KCNU1: variants seen among roughly 807,000 people sequenced by gnomAD.
The protein encoded by KCNU1 is potassium calcium-activated channel subfamily U member 1.
KCNU1 carries 93 observed loss-of-function variants against 126.8 expected under a neutral mutation model. The ratio of observed to expected loss-of-function variants is 0.73; its 90% CI spans 0.62 to 0.87. The LOEUF (loss-of-function observed/expected upper bound fraction) is 0.87, where lower values mean the gene tolerates loss of function less well. Ranked by LOEUF, KCNU1 falls within the 40% of genes least tolerant of loss-of-function variation. The pLI is 0.00. For missense variants in KCNU1, 1,330 were observed against 1,367.1 expected (o/e 0.97, Z 0.43); for synonymous variants, 523 against 494.2 (o/e 1.06, Z -0.77).
intron 19 of KCNU1, among the ~76,000 whole-genome samples, chr8:36,879,588 T>C (rs999643088): frequency 2.4e-4 from 36 of 152,026 alleles, no homozygotes; most frequent in African/African-American, 8.2e-4. Flanking sequence ...GATCAGAAAA[T>C]TGGGGAAATT....
intron 2 of KCNU1, among the ~76,000 whole-genome samples, chr8:36,788,974 A>C (rs1418787744): frequency 6.6e-6 from 1 of 152,232 alleles, no homozygotes; most frequent in African/African-American, 2.4e-5. Flanking sequence ...GACTTATTTA[A>C]TGAAGGGAAA....
chr8:36,801,777 A>G (rs1250908934), intron 2 of KCNU1, among the ~76,000 whole-genome samples: 2 of 152,098 alleles, frequency 1.3e-5, no homozygotes, highest in Admixed American at 1.3e-4. Flanking sequence ...CGTCAAACTT[A>G]GTACTATCTT....
At chr8:36,900,987 A>G (rs1273008066) in intron 19 of KCNU1, among the ~76,000 whole-genome samples, 1 of 152,046 alleles carries the variant, frequency 6.6e-6, no homozygotes, top group Non-Finnish European at 1.5e-5. Context: ...TTTACAAGCC[A>G]TCTGTGGGGT....
At chr8:36,921,036 G>T (rs1442733411) in intron 23 of KCNU1, among the ~76,000 whole-genome samples, 1 of 152,124 alleles carries the variant, frequency 6.6e-6, no homozygotes, top group Non-Finnish European at 1.5e-5. Flanking sequence ...AAGAACTGTG[G>T]AGAGTCTAAG....
At chr8:36,887,030 C>A (rs1806732060) in intron 19 of KCNU1, among the ~76,000 whole-genome samples, 1 of 152,020 alleles carries the variant, frequency 6.6e-6, no homozygotes, top group African/African-American at 2.4e-5. Context: ...ACCACGTTTT[C>A]TTTATCCACT....
chr8:36,913,737 G>A (rs2117546579), intron 22 of KCNU1, among the ~76,000 whole-genome samples: 1 of 152,050 alleles, frequency 6.6e-6, no homozygotes, highest in South Asian at 2.1e-4. Context: ...AAGTAGCTGG[G>A]ACTACAGGCA....
intron 2 of KCNU1, among the ~76,000 whole-genome samples, chr8:36,803,452 C>T (rs535767030): frequency 6.6e-6 from 1 of 152,150 alleles, no homozygotes; most frequent in East Asian, 1.9e-4. Flanking sequence ...TTGCATTCCC[C>T]GAGATACCCT....
intron 18 of KCNU1, among the ~76,000 whole-genome samples, chr8:36,850,520 A>G (rs1195389425): frequency 1.3e-5 from 2 of 151,336 alleles, no homozygotes; most frequent in African/African-American, 4.9e-5. Context: ...GCAGTGGTAC[A>G]GTCATGGCTC....
intron 19 of KCNU1, among the ~76,000 whole-genome samples, chr8:36,868,194 A>T (rs1805979100): frequency 6.6e-6 from 1 of 152,098 alleles, no homozygotes; most frequent in South Asian, 2.1e-4. Flanking sequence ...TGGGTCAGTG[A>T]TAGAGTACTC....
Position 36,808,795 on chromosome 8 carries a change from T to A in KCNU1, c.732+2T>A. On this transcript the variant is annotated splice_donor_variant, in intron 7 of 26. Coordinates refer to ENST00000399881, the MANE Select transcript of KCNU1 (RefSeq NM_001031836.3). LOFTEE classifies it high-confidence loss of function. ...ACAGCTGCGGGATTCATTCACCTGGTAAGCATCTCATCACAATCCCTAGTG... is the reference window on the plus strand; with the variant it reads ...ACAGCTGCGGGATTCATTCACCTGGAAAGCATCTCATCACAATCCCTAGTG... The A allele has an allele frequency of 6.2e-7, 1 of 1,605,936 alleles. No individual in the cohort carries two copies. The highest frequency in any genetic ancestry group is 8.5e-7 in the Non-Finnish European group (1 of 1,174,022).
In KCNU1 at chr8:36,879,209, GTGTATA is replaced by G. The variant is rs1487951868; in HGVS notation, c.2009+14690_2009+14695del. On this transcript the variant is annotated intron_variant, in intron 19 of 26. Transcript: ENST00000399881. ...TATATGTATGTGTGTGTGTGTGTGT[GTGTATA>G]TATATATATATATATATATATATAC... Among the ~76,000 whole-genome samples the G allele has an allele frequency of 6.8e-4, 59 of 86,676 alleles. 2 individuals carry two copies. In the East Asian group the frequency reaches 0.014, roughly 20 times the overall value. The allele number at this position is 86,676 out of a possible 152,430, so 56.9% of individuals were successfully genotyped here.
At chr8:36,802,360 T>C (rs576495093) in intron 2 of KCNU1, among the ~76,000 whole-genome samples, 1 of 152,252 alleles carries the variant, frequency 6.6e-6, no homozygotes, top group South Asian at 2.1e-4. Flanking sequence ...GAAATCTCAG[T>C]TTGCCTTCCT....
chr8:36,802,016 G>A (rs1247697268), intron 2 of KCNU1, among the ~76,000 whole-genome samples: 2 of 151,264 alleles, frequency 1.3e-5, no homozygotes, highest in African/African-American at 2.4e-5. Context: ...GACTGAGGCA[G>A]GAGAATTGCT....
intron 23 of KCNU1, among the ~76,000 whole-genome samples, chr8:36,921,537 G>C (rs1383036214): frequency 6.6e-6 from 1 of 151,682 alleles, no homozygotes; most frequent in Non-Finnish European, 1.5e-5. Context: ...AAATTAGCCG[G>C]ACATGGTGGT....
intron 18 of KCNU1, among the ~76,000 whole-genome samples, chr8:36,847,737 C>G (rs1805202805): frequency 6.6e-6 from 1 of 152,176 alleles, no homozygotes; most frequent in African/African-American, 2.4e-5. Context: ...ATTTAGGTTG[C>G]TTCCATAACT....
chr8:36,817,784 G>T, intron 10 of KCNU1, 24 bp downstream of exon 10: 1 of 1,163,596 alleles, frequency 8.6e-7, no homozygotes. Context: ...TATGGCTCAT[G>T]GGTTCTAAAT....
At chr8:36,820,388 G>A (rs945538568) in intron 10 of KCNU1, among the ~76,000 whole-genome samples, 3 of 152,112 alleles carry the variant, frequency 2.0e-5, no homozygotes, top group Admixed American at 2.0e-4. Flanking sequence ...GAGTTGCATG[G>A]AGACTCAGTA....
At chr8:36,884,484 C>T (rs1563314371) in intron 19 of KCNU1, among the ~76,000 whole-genome samples, 1 of 152,098 alleles carries the variant, frequency 6.6e-6, no homozygotes, top group Non-Finnish European at 1.5e-5. Flanking sequence ...GCCTGTAATC[C>T]CAGCACTTTG....
At chr8:36,793,990 G>C (rs964881772) in intron 2 of KCNU1, among the ~76,000 whole-genome samples, 1 of 147,472 alleles carries the variant, frequency 6.8e-6, no homozygotes, top group East Asian at 2.1e-4. Flanking sequence ...GGCGGCAGAG[G>C]TTGCAATGAG....
Sources: gnomAD v4.1 joint callset for allele counts (sites outside exome capture counted in the v4.1 genomes callset) on GRCh38, gnomAD v4.1.1 for gene constraint, MANE v1.5 for transcripts, NCBI Gene and HGNC (gene_info 2026-07-23, HGNC 2026-07-21) for gene names.